DOK5: variants seen among roughly 807,000 people sequenced by gnomAD.
The protein encoded by DOK5 is downstream of tyrosine kinase 5.
DOK5 carries 27 observed loss-of-function variants against 43.3 expected under a neutral mutation model. The observed-to-expected ratio is 0.62, with a 90% CI of 0.46 to 0.86. The LOEUF (loss-of-function observed/expected upper bound fraction) is 0.86, where lower values mean the gene tolerates loss of function less well. Among genes scored for constraint, DOK5 ranks in the 40% least tolerant of loss-of-function variants. The probability of loss-of-function intolerance (pLI) is 0.00; values close to 1 mark genes in which losing one functional copy is unlikely to be tolerated. For synonymous variants in DOK5, 146 were observed against 140.1 expected, an observed-to-expected ratio of 1.04 and a Z score of -0.30; for missense variants, 373 against 392.9, an observed-to-expected ratio of 0.95 and a Z score of 0.43.
intron 1 of DOK5, among the ~76,000 whole-genome samples, chr20:54,548,846 T>C (rs1380853903): frequency 6.6e-6 from 1 of 152,224 alleles, no homozygotes; most frequent in Non-Finnish European, 1.5e-5. Flanking sequence ...TTATTTTTGC[T>C]AAACAATACT....
chr20:54,527,539 G>A (rs1983621685), intron 1 of DOK5, among the ~76,000 whole-genome samples: 1 of 152,132 alleles, frequency 6.6e-6, no homozygotes, highest in Non-Finnish European at 1.5e-5. Flanking sequence ...CTATGAGGGA[G>A]GTCAACCCCA....
chr20:54,566,190 C>T (rs73140142), intron 2 of DOK5, among the ~76,000 whole-genome samples: 68 of 148,040 alleles, frequency 4.6e-4, no homozygotes, highest in African/African-American at 8.5e-4. Context: ...TTGGGATTGG[C>T]CTTCTTCACG....
chr20:54,490,986 C>T (rs1982150881), intron 1 of DOK5, among the ~76,000 whole-genome samples: 1 of 152,200 alleles, frequency 6.6e-6, no homozygotes, highest in African/African-American at 2.4e-5. Context: ...TCACGCTTCC[C>T]TTTGTCAGTA....
At chr20:54,573,454 G>A (rs572344119) in intron 2 of DOK5, among the ~76,000 whole-genome samples, 2 of 152,088 alleles carry the variant, frequency 1.3e-5, no homozygotes, top group Non-Finnish European at 2.9e-5. Flanking sequence ...TTGGGAGGCC[G>A]AGGCAGGCAG....
chr20:54,637,812 A>G (rs1600757986), intron 6 of DOK5, among the ~76,000 whole-genome samples: 1 of 152,362 alleles, frequency 6.6e-6, no homozygotes, highest in East Asian at 1.9e-4. Context: ...TGGGAATAGG[A>G]TACAGAGATA....
chr20:54,478,521 A>G (rs1981530247), intron 1 of DOK5, among the ~76,000 whole-genome samples: 1 of 152,216 alleles, frequency 6.6e-6, no homozygotes, highest in Non-Finnish European at 1.5e-5. Context: ...CTTGCCATTT[A>G]TAACCTTTAG....
intron 2 of DOK5, among the ~76,000 whole-genome samples, chr20:54,562,798 C>T (rs747597898): frequency 5.3e-5 from 8 of 152,070 alleles, no homozygotes; most frequent in African/African-American, 9.7e-5. Flanking sequence ...GGTATTGAAG[C>T]GCTTATCATG....
chr20:54,635,902 C>T (rs987241294), intron 6 of DOK5, among the ~76,000 whole-genome samples: 1 of 152,094 alleles, frequency 6.6e-6, no homozygotes, highest in African/African-American at 2.4e-5. Flanking sequence ...TAACAGAATA[C>T]CAAAGACTGG....
At chr20:54,480,879 CTCAATGAGGCCT>C (rs778117693) in intron 1 of DOK5, among the ~76,000 whole-genome samples, 73 of 150,492 alleles carry the variant, frequency 4.9e-4, no homozygotes, top group Admixed American at 1.1e-3. Flanking sequence ...CTCCTACCCT[CTCAATGAGGCCT>C]TTAAGGCCTC....
intron 1 of DOK5, among the ~76,000 whole-genome samples, chr20:54,507,468 C>T (rs1600669033): frequency 6.6e-6 from 1 of 152,296 alleles, no homozygotes; most frequent in Admixed American, 6.5e-5. Flanking sequence ...AATTATTAAT[C>T]AAACATTCTA....
At chr20:54,598,137 G>A (rs943933477) in intron 5 of DOK5, among the ~76,000 whole-genome samples, 1 of 152,088 alleles carries the variant, frequency 6.6e-6, no homozygotes, top group Non-Finnish European at 1.5e-5. Context: ...TCTGCACAGT[G>A]TTTTTCTCCT....
intron 1 of DOK5, among the ~76,000 whole-genome samples, chr20:54,543,304 C>T: frequency 9.5e-6 from 1 of 105,502 alleles, no homozygotes; most frequent in Non-Finnish European, 1.7e-5. Context: ...CAAAAGGAGG[C>T]AAATCTAGCT....
intron 1 of DOK5, among the ~76,000 whole-genome samples, chr20:54,534,805 G>C (rs1983896458): frequency 6.8e-6 from 1 of 146,636 alleles, no homozygotes; most frequent in Admixed American, 6.6e-5. Context: ...AACAAGAATT[G>C]ATTTTGAAAG....
intron 1 of DOK5, among the ~76,000 whole-genome samples, chr20:54,510,475 A>G (rs1422162401): frequency 6.6e-6 from 1 of 152,180 alleles, no homozygotes; most frequent in Non-Finnish European, 1.5e-5. Flanking sequence ...TTTATTGCCA[A>G]TCTCTTTAAA....
intron 6 of DOK5, among the ~76,000 whole-genome samples, chr20:54,641,229 G>A (rs2146827929): frequency 6.6e-6 from 1 of 152,242 alleles, no homozygotes; most frequent in African/African-American, 2.4e-5. Flanking sequence ...ATTCCACTTG[G>A]GGGCATGTTT....
intron 2 of DOK5, among the ~76,000 whole-genome samples, chr20:54,583,060 C>T (rs1421740211): frequency 6.6e-6 from 1 of 151,864 alleles, no homozygotes; most frequent in East Asian, 1.9e-4. Context: ...TTTCGGTATG[C>T]TGTGTATTTG....
At chr20:54,512,870 T>C (rs148436590) in intron 1 of DOK5, among the ~76,000 whole-genome samples, 32 of 152,154 alleles carry the variant, frequency 2.1e-4, no homozygotes, top group African/African-American at 7.7e-4. Flanking sequence ...GAGCAAACAT[T>C]TGTGGGGGCC....
At chr20:54,608,020 AAGAT>A (rs1986528559) in intron 5 of DOK5, among the ~76,000 whole-genome samples, 1 of 152,236 alleles carries the variant, frequency 6.6e-6, no homozygotes, top group African/African-American at 2.4e-5. Context: ...TATTACAAAT[AAGAT>A]AGAATAGAAA....
At chr20:54,589,210 A>G (rs1234406170) in intron 4 of DOK5, among the ~76,000 whole-genome samples, 4 of 152,204 alleles carry the variant, frequency 2.6e-5, no homozygotes, top group Non-Finnish European at 5.9e-5. Context: ...CTGTTAGCTC[A>G]CTAGTGTTTG....
Sources: gnomAD v4.1 joint callset for allele counts (sites outside exome capture counted in the v4.1 genomes callset) on GRCh38, gnomAD v4.1.1 for gene constraint, MANE v1.5 for transcripts, NCBI Gene and HGNC (gene_info 2026-07-23, HGNC 2026-07-21) for gene names.